The following LRRTM4 variants were observed in gnomAD, a reference collection of about 807,000 sequenced individuals.
LRRTM4 encodes the protein leucine rich repeat transmembrane neuronal 4, also known as leucine-rich repeat transmembrane neuronal protein 4.
A neutral mutation model predicts 47.6 loss-of-function variants in LRRTM4; 25 were observed. The ratio of observed to expected loss-of-function variants is 0.53; its 90% CI spans 0.38 to 0.73. The LOEUF (loss-of-function observed/expected upper bound fraction) is 0.73. LRRTM4 is among the 30% of genes least tolerant of loss of function. The pLI, the probability that LRRTM4 is intolerant of heterozygous loss-of-function variation, is 0.00. For missense variants in LRRTM4, 638 were observed against 713.4 expected, an observed-to-expected ratio of 0.89 and a Z score of 1.20; for synonymous variants, 311 against 269.5, an observed-to-expected ratio of 1.15 and a Z score of -1.51.
intron 3 of LRRTM4, among the ~76,000 whole-genome samples, chr2:77,227,768 T>C (rs1674853952): frequency 6.6e-6 from 1 of 152,126 alleles, no homozygotes; most frequent in African/African-American, 2.4e-5. Flanking sequence ...AATTATGTTG[T>C]GCAATAACTG....
chr2:77,296,277 A>G (rs1180176001), intron 3 of LRRTM4, among the ~76,000 whole-genome samples: 1 of 152,204 alleles, frequency 6.6e-6, no homozygotes, highest in African/African-American at 2.4e-5. Flanking sequence ...ACAAAATAGT[A>G]TATCATCATT....
At chr2:77,134,569 C>T (rs1019683137) in intron 3 of LRRTM4, among the ~76,000 whole-genome samples, 1 of 152,182 alleles carries the variant, frequency 6.6e-6, no homozygotes, top group African/African-American at 2.4e-5. Flanking sequence ...TCAGTTTTCA[C>T]ATGACTATGT....
chr2:76,906,478 T>A (rs144543399), intron 3 of LRRTM4, among the ~76,000 whole-genome samples: 1,637 of 151,318 alleles, frequency 0.011, 35 homozygotes, highest in African/African-American at 0.038. Flanking sequence ...CAAGACAGGA[T>A]CAAATTCACA....
At chr2:77,324,134 A>C (rs2104233736) in intron 3 of LRRTM4, among the ~76,000 whole-genome samples, 1 of 152,276 alleles carries the variant, frequency 6.6e-6, no homozygotes, top group Non-Finnish European at 1.5e-5. Context: ...TATAGAGCTC[A>C]GGCTTAAATG....
At chr2:77,287,071 C>G (rs889256126) in intron 3 of LRRTM4, among the ~76,000 whole-genome samples, 1 of 151,960 alleles carries the variant, frequency 6.6e-6, no homozygotes, top group Non-Finnish European at 1.5e-5. Context: ...ATGATACGTT[C>G]GAGGCCACAG....
chr2:77,289,411 A>G (rs994763869), intron 3 of LRRTM4, among the ~76,000 whole-genome samples: 4 of 152,052 alleles, frequency 2.6e-5, no homozygotes, highest in African/African-American at 9.7e-5. Flanking sequence ...ACTTGAATTG[A>G]AACATCCATG....
chr2:76,938,846 TAA>T (rs1207320920), intron 3 of LRRTM4, among the ~76,000 whole-genome samples: 1 of 152,150 alleles, frequency 6.6e-6, no homozygotes, highest in Admixed American at 6.5e-5. Flanking sequence ...ATGTCTTATG[TAA>T]AAGTTTTTAT....
intron 3 of LRRTM4, among the ~76,000 whole-genome samples, chr2:77,092,640 C>T (rs990190079): frequency 1.4e-5 from 2 of 145,256 alleles, no homozygotes; most frequent in African/African-American, 5.5e-5. Flanking sequence ...AACTAAAATA[C>T]CTCTTAGTCT....
intron 3 of LRRTM4, among the ~76,000 whole-genome samples, chr2:77,300,840 G>A (rs888591615): frequency 2.0e-5 from 3 of 152,006 alleles, no homozygotes; most frequent in African/African-American, 7.2e-5. Flanking sequence ...ACTCTGTGCT[G>A]TTTCTTCATA....
chr2:77,319,362 A>T (rs115543620), intron 3 of LRRTM4, among the ~76,000 whole-genome samples: 6,085 of 151,812 alleles, frequency 0.04, 430 homozygotes, highest in African/African-American at 0.14. Context: ...ATTCCAGCCT[A>T]GGCTACAAGA....
At chr2:77,156,326 C>CA (rs11465198) in intron 3 of LRRTM4, among the ~76,000 whole-genome samples, 74,374 of 146,424 alleles carry the variant, frequency 0.51, 19,035 homozygotes, top group South Asian at 0.73. Flanking sequence ...AGACACAATA[C>CA]AAAAAAAAAC....
At chr2:77,207,601 G>A (rs1423934799) in intron 3 of LRRTM4, among the ~76,000 whole-genome samples, 2 of 151,238 alleles carry the variant, frequency 1.3e-5, no homozygotes, top group Non-Finnish European at 2.9e-5. Flanking sequence ...ACAAAGCTTT[G>A]CAAGTAGGTC....
At chr2:77,054,889 T>G (rs770737066) in intron 3 of LRRTM4, among the ~76,000 whole-genome samples, 3 of 152,234 alleles carry the variant, frequency 2.0e-5, no homozygotes, top group Non-Finnish European at 4.4e-5. Flanking sequence ...GACCAATCTA[T>G]CATTTCAACA....
At chr2:77,072,901 AG>A (rs1680209084) in intron 3 of LRRTM4, among the ~76,000 whole-genome samples, 1 of 151,820 alleles carries the variant, frequency 6.6e-6, no homozygotes, top group African/African-American at 2.4e-5. Flanking sequence ...AGATTACCAT[AG>A]AAGACTTTGG....
chr2:77,425,463 A>G (rs942620181), intron 3 of LRRTM4, among the ~76,000 whole-genome samples: 1 of 152,100 alleles, frequency 6.6e-6, no homozygotes, highest in Non-Finnish European at 1.5e-5. Flanking sequence ...CTGGTTATCT[A>G]TCTTTTATGT....
intron 3 of LRRTM4, among the ~76,000 whole-genome samples, chr2:77,239,963 G>C (rs1368802632): frequency 6.6e-6 from 1 of 151,654 alleles, no homozygotes; most frequent in Non-Finnish European, 1.5e-5. Context: ...ACAATCTACT[G>C]AATATCAGAA....
At chr2:76,971,029 G>T (rs1195851439) in intron 3 of LRRTM4, among the ~76,000 whole-genome samples, 2 of 151,958 alleles carry the variant, frequency 1.3e-5, no homozygotes, top group African/African-American at 4.8e-5. Flanking sequence ...AGCAGCATGT[G>T]AGGTGTGTAG....
chr2:76,881,238 A>T (rs1446225090), intron 3 of LRRTM4, among the ~76,000 whole-genome samples: 2 of 152,168 alleles, frequency 1.3e-5, no homozygotes, highest in Non-Finnish European at 2.9e-5. Context: ...TATCAGCTCA[A>T]ACACAGAATT....
intron 3 of LRRTM4, among the ~76,000 whole-genome samples, chr2:77,390,902 A>G (rs1673478097): frequency 6.6e-6 from 1 of 151,782 alleles, no homozygotes; most frequent in African/African-American, 2.4e-5. Flanking sequence ...AAAGATTGTT[A>G]GAGAAATAAA....
Sources: gnomAD v4.1 joint callset for allele counts (sites outside exome capture counted in the v4.1 genomes callset) on GRCh38, gnomAD v4.1.1 for gene constraint, MANE v1.5 for transcripts, NCBI Gene and HGNC (gene_info 2026-07-23, HGNC 2026-07-21) for gene names.